The following NFIB variants were observed in gnomAD, a reference collection of about 807,000 sequenced individuals.
NFIB encodes the protein nuclear factor 1 B-type.
Under a neutral mutation model 61.5 loss-of-function variants are expected in NFIB, and 11 were observed. The ratio of observed to expected loss-of-function variants is 0.18; its 90% CI spans 0.11 to 0.30. NFIB has a LOEUF of 0.30. Ranked by LOEUF, NFIB falls within the 10% of genes least tolerant of loss-of-function variation. The probability of loss-of-function intolerance (pLI) is 1.00; values close to 1 mark genes in which losing one functional copy is unlikely to be tolerated. For synonymous variants in NFIB, 260 were observed against 216.5 expected, an observed-to-expected ratio of 1.20 and a Z score of -1.76; for missense variants, 471 against 608.9, an observed-to-expected ratio of 0.77 and a Z score of 2.38.
the NFIB span, among the ~76,000 whole-genome samples, chr9:14,526,264 T>C: frequency 6.6e-6 from 1 of 152,172 alleles, no homozygotes; most frequent in African/African-American, 2.4e-5. Flanking sequence ...TGTTAGAACA[T>C]TGAGAAATGG....
the NFIB span, among the ~76,000 whole-genome samples, chr9:14,482,849 C>T: frequency 6.6e-6 from 1 of 152,154 alleles, no homozygotes; most frequent in African/African-American, 2.4e-5. Context: ...TTTAAAAACA[C>T]ATTGACTACA....
At chr9:14,116,432 G>T in intron 8 of NFIB, 86 bp from the exon 9 acceptor site, 1 of 1,348,740 alleles carries the variant, frequency 7.4e-7, no homozygotes, top group Non-Finnish European at 9.7e-7. Context: ...ACACGACTGT[G>T]TGGATCCAGC....
the NFIB span, among the ~76,000 whole-genome samples, chr9:14,420,839 G>A: frequency 1.3e-5 from 2 of 152,096 alleles, no homozygotes. Context: ...TCAATCAGGA[G>A]GGAACCTCTT....
intron 10 of NFIB, among the ~76,000 whole-genome samples, chr9:14,089,221 C>G (rs2033422153): frequency 6.6e-6 from 1 of 151,978 alleles, no homozygotes; most frequent in Admixed American, 6.6e-5. Context: ...AGTAATGATA[C>G]CACATTTGAG....
At chr9:14,148,779 T>C (rs1435404140) in intron 5 of NFIB, among the ~76,000 whole-genome samples, 4 of 152,194 alleles carry the variant, frequency 2.6e-5, no homozygotes, top group Non-Finnish European at 4.4e-5. Flanking sequence ...GACTCACAAT[T>C]CTCAGAGTAT....
intron 6 of NFIB, among the ~76,000 whole-genome samples, chr9:14,128,601 G>A (rs1205986729): frequency 4.6e-5 from 7 of 151,756 alleles, no homozygotes; most frequent in Middle Eastern, 3.2e-3. Flanking sequence ...GGGAGGCTGA[G>A]GCAGGAGAAT....
At chr9:14,382,907 C>A (rs567892090) in intron 1 of NFIB, among the ~76,000 whole-genome samples, 1 of 152,130 alleles carries the variant, frequency 6.6e-6, no homozygotes, top group South Asian at 2.1e-4. Context: ...AAAAACCATC[C>A]TGGTGATACT....
chr9:14,452,148 T>C, the NFIB span, among the ~76,000 whole-genome samples: 1 of 152,150 alleles, frequency 6.6e-6, no homozygotes, highest in Non-Finnish European at 1.5e-5. Context: ...TTTGTGGTTA[T>C]TCGTGTTTCT....
intron 2 of NFIB, among the ~76,000 whole-genome samples, chr9:14,246,892 A>C (rs1005324321): frequency 6.6e-6 from 1 of 152,188 alleles, no homozygotes; most frequent in Non-Finnish European, 1.5e-5. Flanking sequence ...TTAAGGTTAA[A>C]TGAGGTCATA....
At chr9:14,201,065 AT>A (rs1199904129) in intron 2 of NFIB, among the ~76,000 whole-genome samples, 1 of 152,020 alleles carries the variant, frequency 6.6e-6, no homozygotes, top group African/African-American at 2.4e-5. Context: ...TTTCAAGCCT[AT>A]TTCCCCATCT....
chr9:14,154,920 A>G (rs2043230489), intron 4 of NFIB, among the ~76,000 whole-genome samples: 1 of 152,146 alleles, frequency 6.6e-6, no homozygotes, highest in African/African-American at 2.4e-5. Flanking sequence ...TTCTTTCTGG[A>G]TCATCATAAT....
At chr9:14,362,626 T>C (rs2061253457) in intron 1 of NFIB, 1 of 152,122 alleles carries the variant, frequency 6.6e-6, no homozygotes, top group African/African-American at 2.4e-5. Context: ...CCAGGTCCCG[T>C]GGCTCATATC....
chr9:14,352,474 C>A (rs1338074887), intron 1 of NFIB, among the ~76,000 whole-genome samples: 3 of 152,188 alleles, frequency 2.0e-5, no homozygotes, highest in Non-Finnish European at 4.4e-5. Context: ...GAATTGACAT[C>A]ACCGCTTCTT....
intron 2 of NFIB, among the ~76,000 whole-genome samples, chr9:14,191,068 C>T (rs1332781319): frequency 6.6e-6 from 1 of 152,152 alleles, no homozygotes; most frequent in African/African-American, 2.4e-5. Context: ...TGGTGGGTGC[C>T]TGTAGTCCCA....
In NFIB at chr9:14,087,233, G is replaced by C. The variant is rs2032995794; in HGVS notation, c.*1076C>G. 9.8e-6 allele frequency: 2 copies of C among 203,264 alleles called. No homozygotes were observed. The highest frequency in any genetic ancestry group is 1.0e-5 in the Non-Finnish European group (1 of 98,886). The allele number at this position is 203,264 out of a possible 1,614,324, so 12.6% of individuals were successfully genotyped here. On this transcript the variant is annotated 3_prime_UTR_variant, in exon 11 of 11. Transcript: ENST00000380953. Reference sequence around the variant, plus strand: ...AGGCTGCAGCTAAACCAACATAAGTGCTGTGTTTTCATTAATTTTATTTTT... The same window carrying C: ...AGGCTGCAGCTAAACCAACATAAGTCCTGTGTTTTCATTAATTTTATTTTT...
rs542166585 is a variant in NFIB at position 14,313,205 on chromosome 9, T to G, written c.30+277A>C. ...TGAGGGGCCGCACGGGGCCTCGCAC[T>G]TACAGGTCCCGGCCCTGCCCACCCC... On this transcript the variant is annotated intron_variant, in intron 1 of 10. Coordinates refer to ENST00000380953, the MANE Select transcript of NFIB (RefSeq NM_001190737.2). The surrounding 1 kb of genome is among the most constrained non-coding windows in gnomAD (Gnocchi z 4.5). Among the ~76,000 whole-genome samples, 1 of 151,984 alleles carries G rather than the reference T, an allele frequency of 6.6e-6. No individual in the cohort carries two copies. Among genetic ancestry groups the G allele is most frequent in the East Asian group, 1.9e-4 (1 of 5,146 alleles).
At chr9:14,312,176 A>C (rs1459582436) in intron 1 of NFIB, among the ~76,000 whole-genome samples, 2 of 152,284 alleles carry the variant, frequency 1.3e-5, no homozygotes, top group Non-Finnish European at 2.9e-5. Context: ...GACTGTATCC[A>C]ATCACTGAAT....
chr9:14,116,317 T>G lies in NFIB; in HGVS notation c.1275A>C (p.Lys425Asn). The G allele has an allele frequency of 2.0e-6, 3 of 1,532,710 alleles. No individual in the cohort carries two copies. Among genetic ancestry groups the G allele is most frequent in the Non-Finnish European group, 2.6e-6 (3 of 1,138,206 alleles). The allele number at this position is 1,532,710 out of a possible 1,614,324, so 94.9% of individuals were successfully genotyped here. Reference sequence around the variant, plus strand: ...AGACAGGAGTGAAATGGCCAGGCACTTTCCCTACTACTTGACCACTGCCGT... The same window carrying G: ...AGACAGGAGTGAAATGGCCAGGCACGTTCCCTACTACTTGACCACTGCCGT... ...QPNGSGQVVG[K>N]VPGHFTPVLA... Residue 425 changes from lysine (K) to asparagine (N), a missense_variant, in exon 9 of 11, where the codon AAA (lysine) becomes AAC (asparagine). By Grantham distance (94) the Lys-to-Asn change is moderately conservative. Around this residue, in one of 2 missense-constraint regions of NFIB, gnomAD observed 372 missense variants for 395.6 expected, o/e 0.94. Coordinates refer to ENST00000380953, the MANE Select transcript of NFIB (RefSeq NM_001190737.2).
intron 2 of NFIB, among the ~76,000 whole-genome samples, chr9:14,219,011 C>T (rs1363420158): frequency 1.3e-5 from 2 of 152,174 alleles, no homozygotes; most frequent in African/African-American, 4.8e-5. Context: ...ATAGTTGCCT[C>T]ATTCTCCTGC....
Sources: allele counts gnomAD v4.1 joint callset (sites outside exome capture counted in the v4.1 genomes callset), GRCh38; gene constraint gnomAD v4.1.1; regional missense constraint gnomAD v4.1.1; non-coding constraint Gnocchi (gnomAD v3.1); transcripts MANE v1.5; gene names NCBI Gene and HGNC (gene_info 2026-07-23, HGNC 2026-07-21).